Variants in CYP2C19 observed in about 807,000 individuals in gnomAD.
The protein encoded by CYP2C19 is cytochrome P450 2C19.
CYP2C19 carries 59 observed loss-of-function variants against 40.9 expected under a neutral mutation model. The ratio of observed to expected loss-of-function variants is 1.44; its 90% CI spans 1.17 to 1.79. The LOEUF (loss-of-function observed/expected upper bound fraction) is 1.79. CYP2C19 is among the 40% of genes most tolerant of loss of function. The pLI is 0.00. For synonymous variants in CYP2C19, 253 were observed against 208.7 expected (o/e 1.21, Z -1.83); for missense variants, 754 against 596.9 (o/e 1.26, Z -2.74).
At chr10:94,780,442 T>C (rs554601612) in intron 3 of CYP2C19, 57 bp from the exon 4 acceptor site, 2 of 1,592,522 alleles carry the variant, frequency 1.3e-6, no homozygotes, top group East Asian at 2.2e-5. Flanking sequence ...TTAACAAATA[T>C]GAAGTGTTTT....
At chr10:94,798,344 T>C (rs1390680081) in intron 5 of CYP2C19, among the ~76,000 whole-genome samples, 1 of 152,206 alleles carries the variant, frequency 6.6e-6, no homozygotes, top group East Asian at 1.9e-4. Flanking sequence ...GATTGCACTG[T>C]GGTCTGAGAG....
chr10:94,834,686 C>T (rs1449921089), intron 6 of CYP2C19, among the ~76,000 whole-genome samples: 3 of 152,084 alleles, frequency 2.0e-5, no homozygotes, highest in Admixed American at 6.5e-5. Context: ...ATTGTCCCTC[C>T]CACTGTGCTT....
At position 94,817,443 on chromosome 10, in the gene CYP2C19, A is replaced by G. The variant is rs1162693992; in HGVS notation, c.820-3053A>G. On this transcript the variant is annotated intron_variant, in intron 5 of 8. Transcript: ENST00000371321. ...ATGGGGTTGTTTGTTTTTTTCTTGT[A>G]AATTTGTTTGAGTTCATTGTAGATT... is the stretch of plus-strand genomic sequence containing the variant. Among the ~76,000 whole-genome samples the G allele has an allele frequency of 7.2e-5, 10 of 138,958 alleles. No individual in the cohort carries two copies. In the East Asian group the frequency reaches 1.7e-3, roughly 24 times the overall value. The allele number at this position is 138,958 out of a possible 152,430, so 91.2% of individuals were successfully genotyped here. A position where few individuals can be genotyped will look rare whatever the true frequency, so the allele number is the denominator to read the frequency against.
chr10:94,794,358 C>T (rs1018112540), intron 5 of CYP2C19, among the ~76,000 whole-genome samples: 28 of 152,208 alleles, frequency 1.8e-4, no homozygotes, highest in African/African-American at 6.7e-4. Context: ...ATGGGCTGTA[C>T]CCATTGTCTG....
intron 7 of CYP2C19, 40 bp downstream of exon 7, chr10:94,843,064 T>C (rs1210406181): frequency 6.2e-7 from 1 of 1,606,810 alleles, no homozygotes; most frequent in Non-Finnish European, 8.5e-7. Flanking sequence ...CATGTTCTTT[T>C]ATTCCTCAAA....
chr10:94,779,311 A>G (rs1848451893), intron 3 of CYP2C19, among the ~76,000 whole-genome samples: 1 of 152,126 alleles, frequency 6.6e-6, no homozygotes, highest in Admixed American at 6.5e-5. Flanking sequence ...AAGTTTAACA[A>G]TCACTTGATT....
intron 1 of CYP2C19, among the ~76,000 whole-genome samples, chr10:94,765,055 G>A (rs895537779): frequency 1.3e-5 from 2 of 152,152 alleles, no homozygotes; most frequent in African/African-American, 4.8e-5. Flanking sequence ...TGGTTTTGGA[G>A]AGTCACTGTT....
chr10:94,783,246 T>C (rs903726494), intron 5 of CYP2C19, among the ~76,000 whole-genome samples: 2 of 151,960 alleles, frequency 1.3e-5, no homozygotes, highest in African/African-American at 4.8e-5. Context: ...TTGCACACAG[T>C]TTATTGGAGA....
intron 7 of CYP2C19, among the ~76,000 whole-genome samples, chr10:94,843,946 C>T (rs1000899355): frequency 1.3e-4 from 20 of 152,096 alleles, no homozygotes; most frequent in African/African-American, 4.8e-4. Flanking sequence ...TTTGCCCTCA[C>T]ATATATATAG....
At chr10:94,837,373 C>T (rs1324952314) in intron 6 of CYP2C19, among the ~76,000 whole-genome samples, 4 of 152,096 alleles carry the variant, frequency 2.6e-5, no homozygotes, top group Admixed American at 2.0e-4. Context: ...TTGAACAGGA[C>T]AGGCATTCTT....
At chr10:94,812,557 G>C (rs1319330726) in intron 5 of CYP2C19, among the ~76,000 whole-genome samples, 2 of 152,086 alleles carry the variant, frequency 1.3e-5, no homozygotes, top group African/African-American at 2.4e-5. Flanking sequence ...ACATTTCTTG[G>C]AGGCTATGTT....
At position 94,853,008 on chromosome 10, in the gene CYP2C19, G is replaced by C; in HGVS notation, c.*94G>C. 2 of 1,344,494 alleles carry C rather than the reference G, an allele frequency of 1.5e-6. No homozygotes were observed. Among genetic ancestry groups the C allele is most frequent in the Non-Finnish European group, 1.0e-6 (1 of 968,620 alleles). The allele number at this position is 1,344,494 out of a possible 1,614,324, so 83.3% of individuals were successfully genotyped here. ...CTATCTGTGATGCTTCTTCTGACCC[G>C]TCATCTCACATTTTCCCTTCCCCCA... On this transcript the variant is annotated 3_prime_UTR_variant, in exon 9 of 9. Coordinates refer to ENST00000371321, the MANE Select transcript of CYP2C19 (RefSeq NM_000769.4).
intron 5 of CYP2C19, among the ~76,000 whole-genome samples, chr10:94,782,951 G>T (rs1589350146): frequency 6.6e-6 from 1 of 152,038 alleles, no homozygotes; most frequent in African/African-American, 2.4e-5. Context: ...ACACACTGGG[G>T]CCTGTCAAGG....
chr10:94,848,048 G>A (rs1203227012), intron 7 of CYP2C19, among the ~76,000 whole-genome samples: 1 of 152,136 alleles, frequency 6.6e-6, no homozygotes, highest in African/African-American at 2.4e-5. Flanking sequence ...TCTGATGGTG[G>A]TTTCTTTTGC....
Position 94,820,574 on chromosome 10 carries a change from G to A in CYP2C19, c.898G>A (p.Glu300Lys). 1 of 1,614,226 alleles carries A rather than the reference G, an allele frequency of 6.2e-7. No homozygotes were observed. Among genetic ancestry groups the A allele is most frequent in the South Asian group, 1.1e-5 (1 of 91,084 alleles). ...AGCTGACTTACTTGGAGCTGGGACAGAGACAACAAGCACAACCCTGAGATA... is the reference window on the plus strand; with the variant it reads ...AGCTGACTTACTTGGAGCTGGGACAAAGACAACAAGCACAACCCTGAGATA... Reference protein sequence around the residue: ...TAADLLGAGTETTSTTLRYAL... With the variant: ...TAADLLGAGTKTTSTTLRYAL... Residue 300 changes from glutamate to lysine, a missense_variant, in exon 6 of 9, where the codon GAG (glutamate) becomes AAG (lysine). By Grantham distance (56) the Glu-to-Lys change is moderately conservative. Coordinates refer to ENST00000371321, the MANE Select transcript of CYP2C19 (RefSeq NM_000769.4).
intron 5 of CYP2C19, among the ~76,000 whole-genome samples, chr10:94,793,044 T>A (rs1204811569): frequency 6.6e-6 from 1 of 152,180 alleles, no homozygotes; most frequent in Non-Finnish European, 1.5e-5. Context: ...TTAGAGGCTT[T>A]GTTCATTTCT....
chr10:94,851,076 A>C (rs944216507), intron 8 of CYP2C19, among the ~76,000 whole-genome samples: 1 of 152,130 alleles, frequency 6.6e-6, no homozygotes, highest in African/African-American at 2.4e-5. Flanking sequence ...CCATTCTTTC[A>C]TTGCTATAAA....
chr10:94,799,953 C>T (rs527943007), intron 5 of CYP2C19, among the ~76,000 whole-genome samples: 5 of 152,024 alleles, frequency 3.3e-5, no homozygotes, highest in Non-Finnish European at 7.4e-5. Flanking sequence ...AGAACATGCT[C>T]CTTTAGCTTG....
chr10:94,793,216 A>G (rs1030500447), intron 5 of CYP2C19, among the ~76,000 whole-genome samples: 3 of 152,040 alleles, frequency 2.0e-5, no homozygotes, highest in African/African-American at 7.2e-5. Context: ...AGGTCATTTA[A>G]GGTCTTCCCT....
Sources: allele counts gnomAD v4.1 joint callset (sites outside exome capture counted in the v4.1 genomes callset), GRCh38; gene constraint gnomAD v4.1.1; transcripts MANE v1.5; gene names NCBI Gene and HGNC (gene_info 2026-07-23, HGNC 2026-07-21).